Variants in PPARGC1A observed in about 807,000 individuals in gnomAD.
PPARGC1A encodes peroxisome proliferator-activated receptor gamma coactivator 1-alpha.
PPARGC1A carries 25 observed loss-of-function variants against 88.7 expected under a neutral mutation model. The ratio of observed to expected loss-of-function variants is 0.28; its 90% CI spans 0.21 to 0.39. The LOEUF (loss-of-function observed/expected upper bound fraction) is 0.39. PPARGC1A is among the 10% of genes least tolerant of loss of function. The probability of loss-of-function intolerance (pLI) is 1.00; values close to 1 mark genes in which losing one functional copy is unlikely to be tolerated. For missense variants in PPARGC1A, 880 were observed against 968.7 expected (o/e 0.91, Z 1.22); for synonymous variants, 363 against 355.6 (o/e 1.02, Z -0.24).
At chr4:23,827,321 T>A (rs755349074) in intron 5 of PPARGC1A, among the ~76,000 whole-genome samples, 1 of 151,916 alleles carries the variant, frequency 6.6e-6, no homozygotes, top group Non-Finnish European at 1.5e-5. Context: ...AAAAAGCGTA[T>A]TGAATCAGCA....
the PPARGC1A span, among the ~76,000 whole-genome samples, chr4:23,947,388 TATATATATAA>T: frequency 1.7e-4 from 2 of 11,698 alleles, no homozygotes; most frequent in Non-Finnish European, 2.8e-4. Flanking sequence ...TATATATATA[TATATATATAA>T]AAAAAACGGT....
the PPARGC1A span, among the ~76,000 whole-genome samples, chr4:24,454,007 G>A: frequency 2.2e-4 from 34 of 151,910 alleles, no homozygotes; most frequent in African/African-American, 7.5e-4. Context: ...GCCTCAAGAC[G>A]CCTTGCAAGC....
the PPARGC1A span, among the ~76,000 whole-genome samples, chr4:24,073,027 C>CTTTGT: frequency 0.17 from 25,935 of 151,674 alleles, 3,835 homozygotes; most frequent in African/African-American, 0.4. Flanking sequence ...CTTCATTGTT[C>CTTTGT]TTTGTTTTGT....
rs183060959 is a variant in PPARGC1A, at chr4:23,808,014, G to A, written c.2019+4733C>T. Among the ~76,000 whole-genome samples, 20 of 152,134 alleles carry A rather than the reference G, an allele frequency of 1.3e-4. No individual in the cohort carries two copies. The East Asian group carries it at 2.9e-3, about 22-fold the overall frequency. ...AAGAATAACTCTGAGCACTTTGGGA[G>A]GCCGAGGTGGGCAGATCACGAGGTC... On this transcript the variant is annotated intron_variant, in intron 10 of 12. Coordinates refer to ENST00000264867, the MANE Select transcript of PPARGC1A (RefSeq NM_013261.5).
At chr4:24,350,034 G>T in the PPARGC1A span, among the ~76,000 whole-genome samples, 1 of 152,342 alleles carries the variant, frequency 6.6e-6, no homozygotes, top group Admixed American at 6.5e-5. Flanking sequence ...CTCAGCTCCA[G>T]GTGAAGTTGG....
chr4:23,947,400 A>AT, the PPARGC1A span, among the ~76,000 whole-genome samples: 5 of 22,040 alleles, frequency 2.3e-4, no homozygotes, highest in South Asian at 1.7e-3. Flanking sequence ...TATATATAAA[A>AT]AAAACGGTGA....
At chr4:24,222,921 T>C in the PPARGC1A span, among the ~76,000 whole-genome samples, 51 of 152,140 alleles carry the variant, frequency 3.4e-4, no homozygotes, top group African/African-American at 1.2e-3. Context: ...AATGCAAATA[T>C]AAACCATCTT....
the PPARGC1A span, among the ~76,000 whole-genome samples, chr4:23,983,206 A>G: frequency 1.3e-5 from 2 of 152,152 alleles, no homozygotes; most frequent in South Asian, 2.1e-4. Flanking sequence ...ATTATTGTAA[A>G]AATAAAGGAA....
intron 11 of PPARGC1A, 94 bp downstream of exon 11, chr4:23,802,130 A>G: frequency 6.5e-7 from 1 of 1,537,296 alleles, no homozygotes; most frequent in South Asian, 1.2e-5. Context: ...CTGTCAAAGC[A>G]CTTACATTGG....
At chr4:24,218,898 T>C in the PPARGC1A span, among the ~76,000 whole-genome samples, 1 of 152,234 alleles carries the variant, frequency 6.6e-6, no homozygotes. Flanking sequence ...GACATTTCCA[T>C]GTCCCTTTGA....
chr4:24,041,505 C>T, the PPARGC1A span, among the ~76,000 whole-genome samples: 50 of 152,236 alleles, frequency 3.3e-4, no homozygotes, highest in Middle Eastern at 0.014. Context: ...TCCCATATCT[C>T]GAAAATAGTC....
At chr4:24,087,202 G>T in the PPARGC1A span, among the ~76,000 whole-genome samples, 137 of 152,308 alleles carry the variant, frequency 9.0e-4, no homozygotes, top group African/African-American at 3.2e-3. Flanking sequence ...ACTAGCCAGC[G>T]CTGGAACTTG....
At chr4:23,963,285 A>G in the PPARGC1A span, among the ~76,000 whole-genome samples, 1 of 152,288 alleles carries the variant, frequency 6.6e-6, no homozygotes, top group African/African-American at 2.4e-5. Context: ...TATTGCTATT[A>G]CCATGAACAA....
At chr4:24,129,204 C>T in the PPARGC1A span, among the ~76,000 whole-genome samples, 7 of 151,396 alleles carry the variant, frequency 4.6e-5, no homozygotes, top group Middle Eastern at 3.5e-3. Flanking sequence ...TGCTGGGAGC[C>T]GGAATATTTC....
chr4:23,975,793 T>C, the PPARGC1A span, among the ~76,000 whole-genome samples: 1 of 152,194 alleles, frequency 6.6e-6, no homozygotes, highest in Admixed American at 6.5e-5. Context: ...GAGTTCAAAT[T>C]CTTCAGCCAG....
the PPARGC1A span, among the ~76,000 whole-genome samples, chr4:24,050,046 AT>A: frequency 1.3e-5 from 2 of 151,932 alleles, no homozygotes; most frequent in African/African-American, 4.8e-5. Flanking sequence ...TCATTCTGTG[AT>A]TTTCTGAAGA....
At chr4:24,393,650 A>G in the PPARGC1A span, among the ~76,000 whole-genome samples, 38 of 152,356 alleles carry the variant, frequency 2.5e-4, no homozygotes, top group Non-Finnish European at 4.1e-4. Context: ...GCAAACACAC[A>G]GAGAAGTGAA....
chr4:24,401,036 T>TTTTTTA, the PPARGC1A span, among the ~76,000 whole-genome samples: 2 of 147,590 alleles, frequency 1.4e-5, no homozygotes, highest in Non-Finnish European at 1.5e-5. Context: ...TTTTTTTTTT[T>TTTTTTA]GAGACAGAGT....
At chr4:24,225,604 T>C in the PPARGC1A span, among the ~76,000 whole-genome samples, 5 of 151,630 alleles carry the variant, frequency 3.3e-5, no homozygotes, top group Non-Finnish European at 5.9e-5. Context: ...CCAGGGATGT[T>C]TTGAAGCTGA....
Sources: allele counts gnomAD v4.1 joint callset (sites outside exome capture counted in the v4.1 genomes callset), GRCh38; gene constraint gnomAD v4.1.1; transcripts MANE v1.5; gene names NCBI Gene and HGNC (gene_info 2026-07-23, HGNC 2026-07-21).